Variants in MYCBP2 observed in about 807,000 individuals in gnomAD.
MYCBP2 encodes the protein MYC binding protein 2, also known as E3 ubiquitin-protein ligase MYCBP2.
Under a neutral mutation model 525.3 loss-of-function variants are expected in MYCBP2, and 120 were observed. That is an observed-to-expected ratio of 0.23 (90% CI 0.20 to 0.27). The LOEUF is 0.27. MYCBP2 is among the 10% of genes least tolerant of loss of function. The pLI, the probability that MYCBP2 is intolerant of heterozygous loss-of-function variation, is 1.00. For synonymous variants in MYCBP2, 1,894 were observed against 1,955.8 expected (o/e 0.97, Z 0.83); for missense variants, 4,149 against 5,657.1 (o/e 0.73, Z 8.55).
rs142457195 is a variant in MYCBP2 at position 77,130,845 on chromosome 13, C to T, written c.7660-4303G>A. Among the ~76,000 whole-genome samples, 375 of 152,104 alleles carry T rather than the reference C, an allele frequency of 2.5e-3. 1 individual carries two copies. Among genetic ancestry groups the T allele is most frequent in the African/African-American group, 8.4e-3 (350 of 41,512 alleles). ...TCTAGTATTAAAGTAACATGAAAGGCAATTGTTAAAAGTAATGCAGGTAAA... is the reference window on the plus strand; with the variant it reads ...TCTAGTATTAAAGTAACATGAAAGGTAATTGTTAAAAGTAATGCAGGTAAA... On this transcript the variant is annotated intron_variant, in intron 52 of 82. Coordinates refer to ENST00000544440, the MANE Select transcript of MYCBP2 (RefSeq NM_015057.5).
intron 26 of MYCBP2, among the ~76,000 whole-genome samples, chr13:77,203,525 C>T (rs1345275152): frequency 1.3e-5 from 2 of 151,908 alleles, no homozygotes; most frequent in Non-Finnish European, 2.9e-5. Flanking sequence ...TGACTTTCTT[C>T]ACAGAATTGG....
chr13:77,306,792 G>A (rs1270491781), intron 1 of MYCBP2, among the ~76,000 whole-genome samples: 1 of 152,098 alleles, frequency 6.6e-6, no homozygotes, highest in Non-Finnish European at 1.5e-5. Flanking sequence ...AAATAACTAA[G>A]AACACAGAGA....
At chr13:77,198,120 G>C (rs931160926) in intron 26 of MYCBP2, among the ~76,000 whole-genome samples, 2 of 152,192 alleles carry the variant, frequency 1.3e-5, no homozygotes, top group African/African-American at 4.8e-5. Flanking sequence ...TCTCTAACGT[G>C]AGGATGAATC....
At chr13:77,279,402 C>T (rs1210363845) in intron 3 of MYCBP2, among the ~76,000 whole-genome samples, 1 of 151,990 alleles carries the variant, frequency 6.6e-6, no homozygotes, top group Non-Finnish European at 1.5e-5. Flanking sequence ...TCATCAGGTG[C>T]AAGAAAAATC....
chr13:77,157,737 GAGA>G (rs2057384482), intron 45 of MYCBP2, among the ~76,000 whole-genome samples, 197 bp downstream of exon 45: 1 of 152,104 alleles, frequency 6.6e-6, no homozygotes, highest in African/African-American at 2.4e-5. Flanking sequence ...GCAACACAGT[GAGA>G]CCCTCTCTCT....
intron 46 of MYCBP2, among the ~76,000 whole-genome samples, chr13:77,155,036 A>G (rs544203417): frequency 6.6e-6 from 1 of 152,086 alleles, no homozygotes; most frequent in South Asian, 2.1e-4. Context: ...CATATATTAT[A>G]TTTATATCTT....
chr13:77,285,693 G>A (rs1314557351), intron 3 of MYCBP2, among the ~76,000 whole-genome samples: 1 of 152,080 alleles, frequency 6.6e-6, no homozygotes, highest in Non-Finnish European at 1.5e-5. Flanking sequence ...GGCTGAGGCA[G>A]GAGAATTGCT....
intron 3 of MYCBP2, among the ~76,000 whole-genome samples, chr13:77,281,390 T>A (rs779366858): frequency 6.6e-6 from 1 of 152,046 alleles, no homozygotes; most frequent in Non-Finnish European, 1.5e-5. Context: ...TAAATATGTA[T>A]AATTAGCAAA....
Position 77,095,347 on chromosome 13 carries a change from A to T in MYCBP2, c.10199+11T>A. On this transcript the variant is annotated intron_variant, in intron 58 of 82. Coordinates refer to ENST00000544440, the MANE Select transcript of MYCBP2 (RefSeq NM_015057.5). ...AAAGGTGATTAAAAAACAACAGCAA[A>T]ATTTTATTACCTAGCTAATGTCTGC... 2 of 1,612,532 alleles carry T rather than the reference A, an allele frequency of 1.2e-6. No homozygotes were observed. Among genetic ancestry groups the T allele is most frequent in the Non-Finnish European group, 1.7e-6 (2 of 1,179,194 alleles).
At chr13:77,193,136 A>C (rs2061444609) in intron 27 of MYCBP2, among the ~76,000 whole-genome samples, 1 of 152,178 alleles carries the variant, frequency 6.6e-6, no homozygotes, top group Non-Finnish European at 1.5e-5. Context: ...CTCAAAAATA[A>C]AAATTAATAA....
At chr13:77,123,830 AT>A (rs1009422775) in intron 54 of MYCBP2, among the ~76,000 whole-genome samples, 2 of 152,164 alleles carry the variant, frequency 1.3e-5, no homozygotes, top group African/African-American at 4.8e-5. Flanking sequence ...CCCCTTAGGT[AT>A]TTTCATTTAT....
chr13:77,245,453 C>T (rs182991887), intron 15 of MYCBP2, among the ~76,000 whole-genome samples: 6 of 152,146 alleles, frequency 3.9e-5, no homozygotes, highest in African/African-American at 1.4e-4. Flanking sequence ...GTGTTCTTTG[C>T]AGGGACATGA....
chr13:77,236,263 A>G (rs1035741956), intron 17 of MYCBP2, among the ~76,000 whole-genome samples: 1 of 152,148 alleles, frequency 6.6e-6, no homozygotes, highest in African/African-American at 2.4e-5. Flanking sequence ...TTGGGAGAGG[A>G]GTGAGTAAAA....
rs113416352 is a variant in MYCBP2 at position 77,065,972 on chromosome 13, A to ACAGT, written c.12552+19_12552+20insACTG. ...CTTCCTGCCGCACTTCACTGCCAAAACAGAAGAATGGGAACTTACTGCTGC... is the reference window on the plus strand; with the variant it reads ...CTTCCTGCCGCACTTCACTGCCAAAACAGTCAGAAGAATGGGAACTTACTGCTGC... On this transcript the variant is annotated intron_variant, in intron 72 of 82. Coordinates refer to ENST00000544440, the MANE Select transcript of MYCBP2 (RefSeq NM_015057.5). 1,090 of 1,592,538 alleles carry ACAGT rather than the reference A, an allele frequency of 6.8e-4. 5 individuals carry two copies. The highest frequency in any genetic ancestry group is 5.7e-3 in the African/African-American group (428 of 74,454).
At chr13:77,070,732 A>C (rs1465345529) in intron 68 of MYCBP2, 21 bp from the exon 69 acceptor site, 2 of 1,524,762 alleles carry the variant, frequency 1.3e-6, no homozygotes, top group Admixed American at 1.9e-5. Flanking sequence ...AAAAAGAAAA[A>C]AAAAAAAAAG....
At chr13:77,195,647 C>G (rs1356167682) in intron 26 of MYCBP2, among the ~76,000 whole-genome samples, 3 of 152,086 alleles carry the variant, frequency 2.0e-5, no homozygotes, top group Admixed American at 2.0e-4. Flanking sequence ...ATTACTGTAT[C>G]TATTCTCTTA....
chr13:77,191,887 C>T (rs192947227), intron 27 of MYCBP2, 74 bp from the exon 28 acceptor site: 7 of 1,425,130 alleles, frequency 4.9e-6, no homozygotes, highest in Admixed American at 4.0e-5. Context: ...TTTCAAAATC[C>T]CTTGTGAACA....
At chr13:77,291,698 C>A (rs1315228313) in intron 2 of MYCBP2, among the ~76,000 whole-genome samples, 1 of 149,792 alleles carries the variant, frequency 6.7e-6, no homozygotes, top group Non-Finnish European at 1.5e-5. Context: ...ACCTGGGAGG[C>A]GGAGGTTGCA....
intron 1 of MYCBP2, among the ~76,000 whole-genome samples, chr13:77,307,595 C>T (rs1304360310): frequency 1.5e-5 from 2 of 130,690 alleles, no homozygotes; most frequent in African/African-American, 5.9e-5. Flanking sequence ...CACTGCACCC[C>T]AGCCTGGATG....
Sources: allele counts gnomAD v4.1 joint callset (sites outside exome capture counted in the v4.1 genomes callset), GRCh38; gene constraint gnomAD v4.1.1; transcripts MANE v1.5; gene names NCBI Gene and HGNC (gene_info 2026-07-23, HGNC 2026-07-21).